LHFPL3: variants seen among roughly 807,000 people sequenced by gnomAD.
LHFPL3 encodes the protein LHFPL tetraspan subfamily member 3 protein.
Under a neutral mutation model 19.3 loss-of-function variants are expected in LHFPL3, and 5 were observed. The observed-to-expected ratio is 0.26, with a 90% CI of 0.14 to 0.54. LHFPL3 has a LOEUF of 0.54. Ranked by LOEUF, LHFPL3 falls within the 20% of genes least tolerant of loss-of-function variation. The probability of loss-of-function intolerance (pLI) is 0.94; values close to 1 mark genes in which losing one functional copy is unlikely to be tolerated. For missense variants in LHFPL3, 249 were observed against 307.4 expected (o/e 0.81, Z 1.42); for synonymous variants, 133 against 126.2 (o/e 1.05, Z -0.36).
intron 1 of LHFPL3, among the ~76,000 whole-genome samples, chr7:104,635,872 A>C (rs1181100970): frequency 6.6e-6 from 1 of 152,218 alleles, no homozygotes; most frequent in Admixed American, 6.5e-5. Flanking sequence ...GAATGTATCC[A>C]GGAGGGAAAT....
At chr7:104,815,243 C>T (rs547364424) in intron 2 of LHFPL3, among the ~76,000 whole-genome samples, 12 of 152,280 alleles carry the variant, frequency 7.9e-5, no homozygotes, top group Admixed American at 3.3e-4. Context: ...GAACAGCCCC[C>T]ACCCCGCCTC....
At position 104,757,187 on chromosome 7, in the gene LHFPL3, C is replaced by T. The variant is rs941515114; in HGVS notation, c.682+20276C>T. On this transcript the variant is annotated intron_variant, in intron 2 of 2. Coordinates refer to ENST00000424859, the MANE Select transcript of LHFPL3 (RefSeq NM_199000.3). ...AGAATCAAACTGGACCCTTATCTTC[C>T]ACCATATACAAAAATTAATGCAAGG... Among the ~76,000 whole-genome samples, 5 of 152,140 alleles carry T rather than the reference C, an allele frequency of 3.3e-5. No individual in the cohort carries two copies. In the South Asian group the frequency reaches 6.2e-4, roughly 19 times the overall value.
chr7:104,603,094 C>CTT (rs1165968371), intron 1 of LHFPL3, among the ~76,000 whole-genome samples: 2 of 129,764 alleles, frequency 1.5e-5, no homozygotes, highest in African/African-American at 6.1e-5. Flanking sequence ...TTCTTTCTTT[C>CTT]TTTCTTTCTT....
At chr7:104,619,182 T>G (rs1791400279) in intron 1 of LHFPL3, among the ~76,000 whole-genome samples, 1 of 152,200 alleles carries the variant, frequency 6.6e-6, no homozygotes, top group Admixed American at 6.5e-5. Context: ...TTTATCATAT[T>G]CACATATTAT....
At chr7:104,713,061 C>T (rs547232169) in intron 1 of LHFPL3, among the ~76,000 whole-genome samples, 65 of 152,218 alleles carry the variant, frequency 4.3e-4, no homozygotes, top group African/African-American at 1.5e-3. Flanking sequence ...GGGATCAGTA[C>T]CAAGGCCTAG....
At chr7:104,503,732 G>T (rs1309703583) in intron 1 of LHFPL3, among the ~76,000 whole-genome samples, 1 of 151,924 alleles carries the variant, frequency 6.6e-6, no homozygotes, top group African/African-American at 2.4e-5. Context: ...ACCACACCCA[G>T]CTAATTTTTG....
At chr7:104,598,616 A>C (rs749061975) in intron 1 of LHFPL3, among the ~76,000 whole-genome samples, 1 of 152,218 alleles carries the variant, frequency 6.6e-6, no homozygotes, top group Non-Finnish European at 1.5e-5. Flanking sequence ...TGCTTATAAG[A>C]ATGTTTTTAA....
chr7:104,491,042 G>T (rs1194709895), intron 1 of LHFPL3, among the ~76,000 whole-genome samples: 1 of 152,128 alleles, frequency 6.6e-6, no homozygotes, highest in Non-Finnish European at 1.5e-5. Context: ...AGGGTGCAGG[G>T]TTTACTCCTA....
At chr7:104,639,266 C>T (rs1791786279) in intron 1 of LHFPL3, among the ~76,000 whole-genome samples, 2 of 152,086 alleles carry the variant, frequency 1.3e-5, no homozygotes, top group African/African-American at 4.8e-5. Context: ...CATTATTGGT[C>T]TGTTCAGGAA....
intron 2 of LHFPL3, among the ~76,000 whole-genome samples, chr7:104,879,356 C>T (rs1388421629): frequency 1.3e-5 from 2 of 151,914 alleles, no homozygotes; most frequent in Admixed American, 6.6e-5. Flanking sequence ...GCAAGGGTTG[C>T]AGTGAGTTGA....
intron 1 of LHFPL3, among the ~76,000 whole-genome samples, chr7:104,676,241 A>T (rs1300529702): frequency 6.6e-6 from 1 of 152,244 alleles, no homozygotes; most frequent in East Asian, 1.9e-4. Context: ...TATTAAATCT[A>T]AAGGCAAAAC....
chr7:104,888,939 T>C (rs1792196163), intron 2 of LHFPL3, among the ~76,000 whole-genome samples: 1 of 151,810 alleles, frequency 6.6e-6, no homozygotes, highest in Admixed American at 6.6e-5. Context: ...GTTAGAAAGA[T>C]GGAAGGAAAA....
chr7:104,752,409 C>G lies in LHFPL3; in HGVS notation c.682+15498C>G, dbSNP rs560513179. ...TCTTCTGTTTGAAATGGTTCTAAAG[C>G]TGCTTTAATAATGGCCCAATCATTC... is the stretch of plus-strand genomic sequence containing the variant. On this transcript the variant is annotated intron_variant, in intron 2 of 2. Coordinates refer to ENST00000424859, the MANE Select transcript of LHFPL3 (RefSeq NM_199000.3). Among the ~76,000 whole-genome samples the G allele has an allele frequency of 2.3e-3, 335 of 148,760 alleles. 4 individuals carry two copies. Among genetic ancestry groups the G allele is most frequent in the Admixed American group, 1.5e-3 (22 of 14,828 alleles).
intron 2 of LHFPL3, among the ~76,000 whole-genome samples, chr7:104,903,441 C>T (rs1026378821): frequency 6.6e-6 from 1 of 151,324 alleles, no homozygotes; most frequent in East Asian, 1.9e-4. Context: ...TGTGGTCTCC[C>T]TATTCATCCT....
At chr7:104,663,167 CAAGGTTG>C in intron 1 of LHFPL3, among the ~76,000 whole-genome samples, 1 of 152,282 alleles carries the variant, frequency 6.6e-6, no homozygotes, top group Admixed American at 6.5e-5. Context: ...AGTTTATAGT[CAAGGTTG>C]TCTAGGGCAC....
intron 1 of LHFPL3, among the ~76,000 whole-genome samples, chr7:104,570,300 T>G (rs150030183): frequency 6.6e-6 from 1 of 152,342 alleles, no homozygotes; most frequent in African/African-American, 2.4e-5. Context: ...GCACCACACT[T>G]TGGCCAAATG....
intron 1 of LHFPL3, among the ~76,000 whole-genome samples, chr7:104,533,776 G>T (rs1328270755): frequency 6.6e-6 from 1 of 152,190 alleles, no homozygotes; most frequent in African/African-American, 2.4e-5. Context: ...ATCTCTGCTA[G>T]TTTCGTGATC....
chr7:104,485,791 C>T (rs1339669413), intron 1 of LHFPL3, among the ~76,000 whole-genome samples: 1 of 152,116 alleles, frequency 6.6e-6, no homozygotes, highest in African/African-American at 2.4e-5. Flanking sequence ...CTCTGACAGG[C>T]CTCGCTCGGT....
intron 1 of LHFPL3, among the ~76,000 whole-genome samples, chr7:104,612,215 A>G (rs906907472): frequency 1.3e-5 from 2 of 152,216 alleles, no homozygotes; most frequent in Non-Finnish European, 2.9e-5. Context: ...TCCTCTGCCT[A>G]TTACTTAACT....
Sources: gnomAD v4.1 joint callset for allele counts (sites outside exome capture counted in the v4.1 genomes callset) on GRCh38, gnomAD v4.1.1 for gene constraint, MANE v1.5 for transcripts, NCBI Gene and HGNC (gene_info 2026-07-23, HGNC 2026-07-21) for gene names.